Variants in AFF2 observed in about 807,000 individuals in gnomAD.
AFF2 encodes AF4/FMR2 family member 2.
Under a neutral mutation model 76.9 loss-of-function variants are expected in AFF2, and 14 were observed. That is an observed-to-expected ratio of 0.18 (90% CI 0.12 to 0.28). The LOEUF (loss-of-function observed/expected upper bound fraction) is 0.28. Among genes scored for constraint, AFF2 ranks in the 10% least tolerant of loss-of-function variants. AFF2 has a pLI of 1.00. For synonymous variants in AFF2, 398 were observed against 366.7 expected, an observed-to-expected ratio of 1.09 and a Z score of -0.98; for missense variants, 868 against 1,001.1, an observed-to-expected ratio of 0.87 and a Z score of 1.79.
intron 7 of AFF2, among the ~76,000 whole-genome samples, chrX:148,861,969 T>C (rs1164079415): frequency 9.0e-6 from 1 of 110,536 alleles, no homozygotes; most frequent in Non-Finnish European, 1.9e-5. Flanking sequence ...GTCTGTTTTT[T>C]TTTCCCCCCT....
intron 1 of AFF2, among the ~76,000 whole-genome samples, chrX:148,521,412 TCA>T (rs2052598719): frequency 1.4e-5 from 1 of 73,243 alleles, no homozygotes; most frequent in Non-Finnish European, 2.8e-5. Context: ...ACACACACAC[TCA>T]CTGAGACTTT....
chrX:148,861,323 A>G (rs529840654), intron 7 of AFF2, among the ~76,000 whole-genome samples: 2 of 112,344 alleles, frequency 1.8e-5, no homozygotes, highest in Admixed American at 9.4e-5. Context: ...TTTTCTATCA[A>G]TTATGTGTAT....
At chrX:148,665,417 T>C (rs1468827805) in intron 3 of AFF2, among the ~76,000 whole-genome samples, 2 of 111,682 alleles carry the variant, frequency 1.8e-5, no homozygotes, top group Non-Finnish European at 3.8e-5. Flanking sequence ...AAAGTCATGA[T>C]AGGAGATCAG....
At chrX:148,812,584 C>T (rs1237776399) in intron 4 of AFF2, among the ~76,000 whole-genome samples, 1 of 111,372 alleles carries the variant, frequency 9.0e-6, no homozygotes, top group Non-Finnish European at 1.9e-5. Context: ...CCATGAAAAT[C>T]TGAGTCCATT....
chrX:148,613,611 G>A (rs1459824136), intron 1 of AFF2, among the ~76,000 whole-genome samples: 4 of 110,996 alleles, frequency 3.6e-5, no homozygotes, highest in African/African-American at 9.8e-5. Flanking sequence ...CAAAATGTTC[G>A]GGCTTGGAAT....
chrX:148,981,377 G>A (rs782623409), intron 19 of AFF2, among the ~76,000 whole-genome samples: 2 of 110,859 alleles, frequency 1.8e-5, no homozygotes, highest in Admixed American at 9.6e-5. Flanking sequence ...TAATAGCAGT[G>A]GAGTAGGGGC....
chrX:148,875,492 A>G (rs1557277767), intron 7 of AFF2, among the ~76,000 whole-genome samples: 3 of 111,849 alleles, frequency 2.7e-5, no homozygotes, highest in East Asian at 2.8e-4. Context: ...TCATTGGATG[A>G]TATTAGTCTG....
intron 3 of AFF2, among the ~76,000 whole-genome samples, chrX:148,671,483 C>A (rs782627458): frequency 8.9e-6 from 1 of 111,902 alleles, no homozygotes; most frequent in African/African-American, 3.2e-5. Context: ...GCTTTTGTCA[C>A]ATGAGGAGAT....
chrX:148,675,684 C>T (rs2054475077), intron 3 of AFF2, among the ~76,000 whole-genome samples: 1 of 109,468 alleles, frequency 9.1e-6, no homozygotes, highest in Admixed American at 9.8e-5. Context: ...CTTCCTTGTG[C>T]ATCTGCTGGA....
At chrX:148,751,819 T>C (rs1032849397) in intron 3 of AFF2, among the ~76,000 whole-genome samples, 3 of 112,242 alleles carry the variant, frequency 2.7e-5, no homozygotes, top group Non-Finnish European at 5.6e-5. Flanking sequence ...TCTCCGTGCA[T>C]GTTGCTTATT....
At chrX:148,584,791 G>T (rs2124361152) in intron 1 of AFF2, among the ~76,000 whole-genome samples, 1 of 110,230 alleles carries the variant, frequency 9.1e-6, no homozygotes, top group African/African-American at 3.3e-5. Context: ...CGCCCGCCTC[G>T]GCCTCCCATT....
intron 1 of AFF2, among the ~76,000 whole-genome samples, chrX:148,624,386 A>G (rs1433168297): frequency 4.5e-5 from 5 of 112,086 alleles, no homozygotes; most frequent in Admixed American, 1.9e-4. Flanking sequence ...AGTTGCTCCC[A>G]TCTTTTAAAG....
chrX:148,912,358 C>G (rs1311139267), intron 9 of AFF2, among the ~76,000 whole-genome samples: 3 of 111,442 alleles, frequency 2.7e-5, no homozygotes, highest in Non-Finnish European at 5.6e-5. Flanking sequence ...TGTTCAACTC[C>G]CACTTATGAG....
At chrX:148,762,295 T>C (rs1337791214) in intron 3 of AFF2, among the ~76,000 whole-genome samples, 1 of 109,421 alleles carries the variant, frequency 9.1e-6, no homozygotes, top group African/African-American at 3.4e-5. Flanking sequence ...GAACATACGA[T>C]GCTTAGTTTT....
intron 8 of AFF2, among the ~76,000 whole-genome samples, chrX:148,897,687 A>G (rs2071310488): frequency 9.1e-6 from 1 of 110,252 alleles, no homozygotes; most frequent in African/African-American, 3.3e-5. Flanking sequence ...AATGGTAGGG[A>G]GAAAACCTCT....
chrX:148,707,944 G>A (rs1451179201), intron 3 of AFF2, among the ~76,000 whole-genome samples: 3 of 111,609 alleles, frequency 2.7e-5, no homozygotes, highest in African/African-American at 9.8e-5. Flanking sequence ...AATGTTAGAG[G>A]ACAGAACTGC....
At chrX:148,655,142 T>G (rs1557256868) in intron 2 of AFF2, among the ~76,000 whole-genome samples, 1 of 111,158 alleles carries the variant, frequency 9.0e-6, no homozygotes, top group Non-Finnish European at 1.9e-5. Flanking sequence ...TTTTCAGAAG[T>G]TTTGAAAGCC....
intron 1 of AFF2, among the ~76,000 whole-genome samples, chrX:148,501,396 T>G (rs2052348461): frequency 8.9e-6 from 1 of 112,500 alleles, no homozygotes; most frequent in African/African-American, 3.2e-5. Context: ...AGAGTTGCAT[T>G]TGGCTCACAT....
At chrX:148,539,371 A>G (rs2052826811) in intron 1 of AFF2, among the ~76,000 whole-genome samples, 2 of 111,462 alleles carry the variant, frequency 1.8e-5, no homozygotes, top group East Asian at 2.8e-4. Flanking sequence ...GCTACGTTAG[A>G]TTTCTCAGCC....
Sources: allele counts gnomAD v4.1 joint callset (sites outside exome capture counted in the v4.1 genomes callset), GRCh38; gene constraint gnomAD v4.1.1; transcripts MANE v1.5; gene names NCBI Gene and HGNC (gene_info 2026-07-23, HGNC 2026-07-21).